The following NDST4 variants were observed in gnomAD, a reference collection of about 807,000 sequenced individuals.
NDST4 encodes N-heparan sulfate sulfotransferase 4.
A neutral mutation model predicts 100.8 loss-of-function variants in NDST4; 63 were observed. That is an observed-to-expected ratio of 0.62 (90% CI 0.51 to 0.77). NDST4 has a LOEUF of 0.77. NDST4 is among the 30% of genes least tolerant of loss of function. The pLI, the probability that NDST4 is intolerant of heterozygous loss-of-function variation, is 0.00. For synonymous variants in NDST4, 377 were observed against 361.8 expected, an observed-to-expected ratio of 1.04 and a Z score of -0.48; for missense variants, 943 against 1,018.4, an observed-to-expected ratio of 0.93 and a Z score of 1.01.
intron 2 of NDST4, among the ~76,000 whole-genome samples, chr4:115,040,986 T>C (rs925037413): frequency 9.2e-5 from 14 of 152,188 alleles, no homozygotes; most frequent in African/African-American, 3.4e-4. Context: ...ACTACGTTTC[T>C]TTCACCTTTC....
At position 115,076,499 on chromosome 4, in the gene NDST4, A is replaced by G. The variant is rs752647610; in HGVS notation, c.538T>C (p.Phe180Leu). The change falls in exon 2 of 14, where the codon TTT becomes CTT. Residue 180 changes from phenylalanine (F) to leucine (L), a missense_variant. This residue lies in a region of NDST4 where 417 missense variants were observed against 384.2 expected (regional missense o/e 1.09). Transcript: ENST00000264363. ...NSLPSTQLKGFPLNLFNNLAL... is the reference protein window; with the variant it reads ...NSLPSTQLKGLPLNLFNNLAL... The stretch of plus-strand genomic sequence containing the variant: ...AGATTATTGAAAAGGTTTAACGGAA[A>G]GCCTTTTAATTGTGTACTTGGTAAG... 6.2e-7 allele frequency: 1 copy of G among 1,614,000 alleles called. No individual in the cohort carries two copies. The highest frequency in any genetic ancestry group is 8.5e-7 in the Non-Finnish European group (1 of 1,179,952).
intron 6 of NDST4, among the ~76,000 whole-genome samples, chr4:114,874,734 TAA>T (rs1179920389): frequency 6.6e-6 from 1 of 152,064 alleles, no homozygotes; most frequent in Non-Finnish European, 1.5e-5. Flanking sequence ...TAAGACAAAT[TAA>T]AAATGGATGT....
intron 2 of NDST4, among the ~76,000 whole-genome samples, chr4:115,032,437 A>G (rs980222583): frequency 2.0e-5 from 3 of 152,074 alleles, no homozygotes; most frequent in South Asian, 2.1e-4. Context: ...TTAAGAGGTT[A>G]CTCTATGTAA....
intron 1 of NDST4, among the ~76,000 whole-genome samples, chr4:115,109,322 G>C (rs935717634): frequency 6.6e-6 from 1 of 151,770 alleles, no homozygotes; most frequent in South Asian, 2.1e-4. Context: ...TTTAAAAGGA[G>C]GCTAAATATT....
intron 6 of NDST4, among the ~76,000 whole-genome samples, chr4:114,889,704 C>A (rs958384819): frequency 6.6e-6 from 1 of 152,134 alleles, no homozygotes; most frequent in Non-Finnish European, 1.5e-5. Context: ...AAAGCAGCTG[C>A]GCCTTTCAGG....
intron 6 of NDST4, among the ~76,000 whole-genome samples, chr4:114,922,922 G>A (rs561254466): frequency 6.6e-6 from 1 of 152,298 alleles, no homozygotes; most frequent in South Asian, 2.1e-4. Flanking sequence ...CTCTATTTGT[G>A]TAAACAGCTG....
intron 4 of NDST4, 137 bp downstream of exon 4, chr4:114,970,293 C>T (rs541834159): frequency 1.5e-5 from 10 of 676,688 alleles, no homozygotes; most frequent in Non-Finnish European, 2.4e-5. Context: ...GTTATATGTA[C>T]CCTCAATACA....
At chr4:115,018,472 C>T (rs2126263658) in intron 2 of NDST4, among the ~76,000 whole-genome samples, 1 of 151,824 alleles carries the variant, frequency 6.6e-6, no homozygotes, top group South Asian at 2.1e-4. Flanking sequence ...AACAATCTTA[C>T]CTCTATTATA....
intron 2 of NDST4, among the ~76,000 whole-genome samples, chr4:115,046,222 C>T (rs1476971084): frequency 6.6e-6 from 1 of 152,118 alleles, no homozygotes; most frequent in Non-Finnish European, 1.5e-5. Flanking sequence ...TTTTGCCCTG[C>T]CCCATTCTGC....
chr4:114,929,823 AT>A (rs147439086), intron 6 of NDST4, among the ~76,000 whole-genome samples: 12,834 of 152,192 alleles, frequency 0.084, 924 homozygotes, highest in East Asian at 0.4. Context: ...GGTTCAAAAT[AT>A]TTAGAAACAG....
chr4:114,862,906 C>A (rs942319746), intron 7 of NDST4, among the ~76,000 whole-genome samples: 2 of 152,048 alleles, frequency 1.3e-5, no homozygotes, highest in African/African-American at 4.8e-5. Context: ...GTATTCCTAT[C>A]GGTATGTTCC....
rs368503411 is a variant in NDST4 at position 114,964,814 on chromosome 4, A to C, written c.1221+5616T>G. On this transcript the variant is annotated intron_variant, in intron 4 of 13. Transcript: ENST00000264363. ...TCCACTCTTTGATTCTACCAATTTG[A>C]CTGTTTTAGATACCTTATATAAGTG... Among the ~76,000 whole-genome samples the C allele has an allele frequency of 9.2e-5, 14 of 152,178 alleles. No individual in the cohort carries two copies. The East Asian group carries it at 2.1e-3, about 23-fold the overall frequency.
chr4:114,885,680 A>G (rs1724462753), intron 6 of NDST4, among the ~76,000 whole-genome samples: 1 of 152,124 alleles, frequency 6.6e-6, no homozygotes, highest in African/African-American at 2.4e-5. Context: ...TACAGGCAAC[A>G]TATGAATGGA....
At chr4:115,048,785 G>A (rs1008907159) in intron 2 of NDST4, among the ~76,000 whole-genome samples, 37 of 152,004 alleles carry the variant, frequency 2.4e-4, no homozygotes, top group African/African-American at 8.9e-4. Flanking sequence ...TTACAGGAAA[G>A]TGCCACTGCA....
chr4:114,915,197 C>T (rs1168428670), intron 6 of NDST4, among the ~76,000 whole-genome samples: 2 of 152,104 alleles, frequency 1.3e-5, no homozygotes, highest in African/African-American at 2.4e-5. Flanking sequence ...CACAAATAGC[C>T]AGTTTGTTCT....
intron 4 of NDST4, among the ~76,000 whole-genome samples, chr4:114,952,767 C>T (rs536856269): frequency 2.6e-5 from 4 of 151,892 alleles, no homozygotes; most frequent in African/African-American, 7.2e-5. Context: ...CCAATGGGTA[C>T]CTAAAGAAAG....
At chr4:114,894,552 C>A (rs1454296911) in intron 6 of NDST4, among the ~76,000 whole-genome samples, 1 of 151,936 alleles carries the variant, frequency 6.6e-6, no homozygotes, top group African/African-American at 2.4e-5. Context: ...CCTATTGTTG[C>A]TGTAAAGGAA....
chr4:114,929,587 C>T (rs938716523), intron 6 of NDST4, among the ~76,000 whole-genome samples: 5 of 152,224 alleles, frequency 3.3e-5, no homozygotes, highest in Middle Eastern at 3.4e-3. Context: ...GATGAAGCCT[C>T]CTGAAACTCC....
At chr4:114,970,395 A>G (rs1726484120) in intron 4 of NDST4, 35 bp downstream of exon 4, 1 of 1,580,592 alleles carries the variant, frequency 6.3e-7, no homozygotes, top group Non-Finnish European at 8.6e-7. Flanking sequence ...ATCACAACTT[A>G]TAGTTCAAAA....
Sources: allele counts gnomAD v4.1 joint callset (sites outside exome capture counted in the v4.1 genomes callset), GRCh38; gene constraint gnomAD v4.1.1; regional missense constraint gnomAD v4.1.1; transcripts MANE v1.5; gene names NCBI Gene and HGNC (gene_info 2026-07-23, HGNC 2026-07-21).